PIGN: variants seen among roughly 807,000 people sequenced by gnomAD.
PIGN encodes the protein GPI ethanolamine phosphate transferase 1.
A neutral mutation model predicts 125.4 loss-of-function variants in PIGN; 117 were observed. The observed-to-expected ratio is 0.93, with a 90% CI of 0.80 to 1.09. The LOEUF (loss-of-function observed/expected upper bound fraction) is 1.09, where lower values mean the gene tolerates loss of function less well. PIGN is among the 50% of genes least tolerant of loss of function. The pLI, the probability that PIGN is intolerant of heterozygous loss-of-function variation, is 0.00. For missense variants in PIGN, 1,075 were observed against 1,094.9 expected (o/e 0.98, Z 0.26); for synonymous variants, 392 against 377.8 (o/e 1.04, Z -0.44).
At chr18:62,032,563 G>T (rs1327490598) in intron 23 of PIGN, among the ~76,000 whole-genome samples, 1 of 152,162 alleles carries the variant, frequency 6.6e-6, no homozygotes, top group Admixed American at 6.5e-5. Flanking sequence ...CACACCACCT[G>T]GTTAGCTGCA....
chr18:62,059,784 C>A (rs1324523391), intron 30 of PIGN, among the ~76,000 whole-genome samples: 7 of 151,984 alleles, frequency 4.6e-5, no homozygotes, highest in Non-Finnish European at 7.4e-5. Flanking sequence ...TTTATTAAAT[C>A]ATTAAAAAAT....
intron 1 of PIGN, among the ~76,000 whole-genome samples, chr18:62,174,736 T>C (rs2037461094): frequency 6.6e-6 from 1 of 152,060 alleles, no homozygotes; most frequent in South Asian, 2.1e-4. Flanking sequence ...AAATTAATGC[T>C]AATGCATTAT....
At position 62,159,924 on chromosome 18, in the gene PIGN, T is replaced by C. The variant is rs141496781; in HGVS notation, c.221+1209A>G. ...GTCAGGAGATCAAGACCATCCTGGC[T>C]AACACGGTGAAATCCCGTCTCTACC... On this transcript the variant is annotated intron_variant, in intron 4 of 30. Transcript: ENST00000640252. Among the ~76,000 whole-genome samples the C allele has an allele frequency of 1.5e-3, 230 of 152,214 alleles. 1 individual carries two copies. The highest frequency in any genetic ancestry group is 3.4e-3 in the Middle Eastern group (1 of 294).
rs1209745164 is a variant in PIGN at position 62,044,453 on chromosome 18, T to C, written c.*1403A>G. 6.6e-6 allele frequency: 1 copy of C among 152,230 alleles called. No homozygotes were observed. The highest frequency in any genetic ancestry group is 1.5e-5 in the Non-Finnish European group (1 of 68,032). 9.4% of individuals were successfully genotyped at this position (152,230 alleles called of 1,614,324 possible). On this transcript the variant is annotated 3_prime_UTR_variant, in exon 31 of 31. Coordinates refer to ENST00000640252, the MANE Select transcript of PIGN (RefSeq NM_176787.5). ...TACCATAGCTTCTTAGTTGTCCAGC[T>C]AGATTTTATGCTATGAACTGATGCA...
At position 62,041,757 on chromosome 18, in the gene PIGN, G is replaced by A. The variant is rs894249755; in HGVS notation, c.*4099C>T. 6.8e-6 allele frequency: 1 copy of A among 148,046 alleles called. No individual in the cohort carries two copies. The highest frequency in any genetic ancestry group is 1.5e-5 in the Non-Finnish European group (1 of 67,662). The allele number at this position is 148,046 out of a possible 1,614,324, so 9.2% of individuals were successfully genotyped here. On this transcript the variant is annotated 3_prime_UTR_variant, in exon 31 of 31. Coordinates refer to ENST00000640252, the MANE Select transcript of PIGN (RefSeq NM_176787.5). ...TTGGCCAGACTGGTCTCGAACTCCT[G>A]ACCTCAAGTGATCCACCCACCTCGG...
intron 10 of PIGN, among the ~76,000 whole-genome samples, chr18:62,143,798 T>A (rs2036221477): frequency 6.6e-6 from 1 of 152,230 alleles, no homozygotes; most frequent in South Asian, 2.1e-4. Flanking sequence ...GTAGTTGTGA[T>A]GTTCCTGTAG....
intron 2 of PIGN, among the ~76,000 whole-genome samples, 160 bp downstream of exon 2, chr18:62,163,371 G>T (rs1262665607): frequency 6.6e-6 from 1 of 152,126 alleles, no homozygotes; most frequent in Non-Finnish European, 1.5e-5. Context: ...ATATTTGCAT[G>T]GTGTTCTGGT....
chr18:62,181,789 C>T (rs1811708), intron 1 of PIGN, among the ~76,000 whole-genome samples: 1 of 151,952 alleles, frequency 6.6e-6, no homozygotes, highest in Non-Finnish European at 1.5e-5. Flanking sequence ...TGCAGTGGCG[C>T]GATCTCGGCT....
chr18:62,136,181 T>C (rs2147098317), intron 14 of PIGN: 1 of 152,308 alleles, frequency 6.6e-6, no homozygotes, highest in Non-Finnish European at 1.5e-5. Flanking sequence ...GCATAAGAGA[T>C]GTAAATAACA....
rs567510989 is a variant in PIGN, at chr18:62,175,223, CT to C, written c.-235-11568del. Among the ~76,000 whole-genome samples, 394 of 151,570 alleles carry C rather than the reference CT, an allele frequency of 2.6e-3. 2 individuals are homozygous for C. Among genetic ancestry groups the C allele is most frequent in the African/African-American group, 8.9e-3 (368 of 41,408 alleles). On this transcript the variant is annotated intron_variant, in intron 1 of 30. Transcript: ENST00000640252. Reference sequence around the variant, plus strand: ...AGTCCATTATTTTTCACCTGGACCTCTTCAACAACTTCCAAATGGTTTCCCT... The same window carrying C: ...AGTCCATTATTTTTCACCTGGACCTCTCAACAACTTCCAAATGGTTTCCCT...
intron 1 of PIGN, among the ~76,000 whole-genome samples, chr18:62,181,077 T>A (rs7504331): frequency 0.33 from 50,025 of 152,056 alleles, 8,990 homozygotes; most frequent in East Asian, 0.72. Context: ...AGCTCACAAG[T>A]ATTAGTACTG....
At chr18:62,167,297 TG>T (rs2037179311) in intron 1 of PIGN, among the ~76,000 whole-genome samples, 1 of 23,458 alleles carries the variant, frequency 4.3e-5, no homozygotes, top group South Asian at 1.4e-3. Flanking sequence ...TGTGTGTGTG[TG>T]TGTGTGTGTG....
intron 30 of PIGN, chr18:62,059,176 A>G (rs1341764111): frequency 7.8e-6 from 1 of 128,458 alleles, no homozygotes; most frequent in Non-Finnish European, 1.5e-5. Flanking sequence ...TGTCTCAAAA[A>G]AAAAAAAAAA....
At chr18:62,054,973 G>A (rs2031612237) in intron 30 of PIGN, among the ~76,000 whole-genome samples, 1 of 152,158 alleles carries the variant, frequency 6.6e-6, no homozygotes, top group Non-Finnish European at 1.5e-5. Context: ...TAACTATTAT[G>A]CAAGTTGAAG....
At chr18:62,157,409 A>G (rs554474096) in intron 5 of PIGN, among the ~76,000 whole-genome samples, 182 bp from the exon 6 acceptor site, 1 of 152,322 alleles carries the variant, frequency 6.6e-6, no homozygotes, top group East Asian at 1.9e-4. Context: ...TTTACTTCTT[A>G]ATGAAATATA....
chr18:62,059,857 GAA>G (rs2032009281), intron 30 of PIGN, among the ~76,000 whole-genome samples: 1 of 152,134 alleles, frequency 6.6e-6, no homozygotes, highest in Non-Finnish European at 1.5e-5. Context: ...TAAAAACAAA[GAA>G]AGAAAAGATT....
chr18:62,135,315 T>C (rs991743167), intron 14 of PIGN, among the ~76,000 whole-genome samples: 1 of 152,176 alleles, frequency 6.6e-6, no homozygotes, highest in African/African-American at 2.4e-5. Context: ...TTAGATTTTT[T>C]TGACCATATT....
intron 23 of PIGN, among the ~76,000 whole-genome samples, chr18:62,029,605 G>C (rs2144884772): frequency 6.6e-6 from 1 of 152,296 alleles, no homozygotes; most frequent in African/African-American, 2.4e-5. Flanking sequence ...CTATGCTCCA[G>C]GATATATTCA....
At chr18:62,092,618 A>T (rs987885229) in intron 23 of PIGN, among the ~76,000 whole-genome samples, 16 of 152,126 alleles carry the variant, frequency 1.1e-4, no homozygotes, top group Non-Finnish European at 1.9e-4. Flanking sequence ...ATTAGAAAAA[A>T]AGATCCAAAA....
Sources: allele counts gnomAD v4.1 joint callset (sites outside exome capture counted in the v4.1 genomes callset), GRCh38; gene constraint gnomAD v4.1.1; transcripts MANE v1.5; gene names NCBI Gene and HGNC (gene_info 2026-07-23, HGNC 2026-07-21).